MEGF11: variants seen among roughly 807,000 people sequenced by gnomAD.
MEGF11 encodes multiple EGF like domains 11.
In MEGF11, 126 loss-of-function variants were observed where a neutral mutation model predicts 146.6. The observed-to-expected ratio is 0.86, with a 90% CI of 0.74 to 1.00. The LOEUF (loss-of-function observed/expected upper bound fraction) is 1.00, where lower values mean the gene tolerates loss of function less well. Among genes scored for constraint, MEGF11 ranks in the 50% least tolerant of loss-of-function variants. The pLI is 0.00. For synonymous variants in MEGF11, 532 were observed against 583.4 expected, an observed-to-expected ratio of 0.91 and a Z score of 1.27; for missense variants, 1,509 against 1,521.2, an observed-to-expected ratio of 0.99 and a Z score of 0.13.
At chr15:66,058,298 A>G (rs1056910271) in intron 5 of MEGF11, among the ~76,000 whole-genome samples, 2 of 152,200 alleles carry the variant, frequency 1.3e-5, no homozygotes, top group African/African-American at 4.8e-5. Context: ...AACTTTACCT[A>G]AGAGCCTTAA....
chr15:66,004,780 C>T (rs1211839100), intron 5 of MEGF11, among the ~76,000 whole-genome samples: 2 of 152,156 alleles, frequency 1.3e-5, no homozygotes, highest in African/African-American at 2.4e-5. Flanking sequence ...CTGAGAGGAC[C>T]TTTCCAATTC....
intron 1 of MEGF11, among the ~76,000 whole-genome samples, chr15:66,218,277 C>A (rs554271245): frequency 2.0e-5 from 3 of 152,178 alleles, no homozygotes; most frequent in Non-Finnish European, 2.9e-5. Context: ...TTTTAAGACA[C>A]TTGGTTGAAT....
At chr15:66,064,690 ATTTTTTTTCT>A (rs1307111297) in intron 5 of MEGF11, among the ~76,000 whole-genome samples, 1 of 68,882 alleles carries the variant, frequency 1.5e-5, no homozygotes, top group Non-Finnish European at 4.1e-5. Context: ...CTAATTTTGT[ATTTTTTTTCT>A]TTTTTTTTAG....
intron 9 of MEGF11, among the ~76,000 whole-genome samples, chr15:65,961,842 A>G (rs2080867907): frequency 6.6e-6 from 1 of 151,958 alleles, no homozygotes; most frequent in Non-Finnish European, 1.5e-5. Context: ...GAAGGCAGGG[A>G]GCTTTGAGGC....
chr15:65,934,875 TTGCACTC>T (rs1453323414), intron 10 of MEGF11, among the ~76,000 whole-genome samples: 1 of 152,196 alleles, frequency 6.6e-6, no homozygotes, highest in Non-Finnish European at 1.5e-5. Context: ...CCCACATGTC[TTGCACTC>T]TGCATCTTTT....
rs1362061318 is a variant in MEGF11, at chr15:65,989,358, C to T, written c.395-6870G>A. Reference sequence around the variant, plus strand: ...CCCCAGCTTGTACTAAGGACTGGGCCAAGGCCCCCACCTCCCTTCTCCTCT... The same window carrying T: ...CCCCAGCTTGTACTAAGGACTGGGCTAAGGCCCCCACCTCCCTTCTCCTCT... On this transcript the variant is annotated intron_variant, in intron 5 of 25. Coordinates refer to ENST00000395614, the MANE Select transcript of MEGF11 (RefSeq NM_001385028.1). Among the ~76,000 whole-genome samples, 3 of 152,190 alleles carry T rather than the reference C, an allele frequency of 2.0e-5. No homozygotes were observed. In the South Asian group the frequency reaches 6.2e-4, roughly 32 times the overall value.
intron 8 of MEGF11, among the ~76,000 whole-genome samples, chr15:65,965,623 T>TGGC (rs1412212636): frequency 7.2e-6 from 1 of 139,610 alleles, no homozygotes; most frequent in Non-Finnish European, 1.6e-5. Context: ...CTTTTTTTTT[T>TGGC]TTTTGGCTCT....
chr15:66,104,475 A>C (rs1043988457), intron 4 of MEGF11, among the ~76,000 whole-genome samples: 1 of 152,264 alleles, frequency 6.6e-6, no homozygotes, highest in African/African-American at 2.4e-5. Flanking sequence ...AGGATGTTTC[A>C]TGATTCTTTT....
At chr15:66,195,422 G>A (rs2090984190) in intron 1 of MEGF11, among the ~76,000 whole-genome samples, 1 of 152,204 alleles carries the variant, frequency 6.6e-6, no homozygotes, top group South Asian at 2.1e-4. Flanking sequence ...CCCTAAGGAA[G>A]TCACATCGGG....
At chr15:65,927,084 C>T (rs2079397213) in intron 13 of MEGF11, among the ~76,000 whole-genome samples, 2 of 152,316 alleles carry the variant, frequency 1.3e-5, no homozygotes, top group African/African-American at 4.8e-5. Context: ...ATTTCTTTCT[C>T]TTTGCTGCTC....
intron 5 of MEGF11, among the ~76,000 whole-genome samples, chr15:66,051,288 G>C (rs2084435655): frequency 6.6e-6 from 1 of 152,152 alleles, no homozygotes; most frequent in African/African-American, 2.4e-5. Flanking sequence ...CGGGAAGAAG[G>C]GTGGACCCTG....
intron 1 of MEGF11, among the ~76,000 whole-genome samples, chr15:66,186,318 G>A (rs1567276377): frequency 6.6e-6 from 1 of 152,152 alleles, no homozygotes; most frequent in Non-Finnish European, 1.5e-5. Context: ...TGGGCAGCCA[G>A]CAGTGGTCTG....
chr15:66,092,718 G>C (rs113533690), intron 5 of MEGF11, among the ~76,000 whole-genome samples: 2,028 of 152,250 alleles, frequency 0.013, 43 homozygotes, highest in African/African-American at 0.046. Context: ...ACAGTCCCGA[G>C]CATAGAGCGA....
At chr15:66,144,631 C>G (rs2089296648) in intron 1 of MEGF11, among the ~76,000 whole-genome samples, 1 of 152,212 alleles carries the variant, frequency 6.6e-6, no homozygotes, top group Non-Finnish European at 1.5e-5. Context: ...CTCCCCTTAG[C>G]AGCTATACAG....
chr15:66,174,615 T>C (rs747540224), intron 1 of MEGF11, among the ~76,000 whole-genome samples: 3 of 151,624 alleles, frequency 2.0e-5, no homozygotes, highest in Non-Finnish European at 4.4e-5. Context: ...TACTGCATTC[T>C]AGATGATCCC....
At position 65,922,154 on chromosome 15, in the gene MEGF11, T is replaced by C. The variant is rs964297885; in HGVS notation, c.1957+184A>G. On this transcript the variant is annotated intron_variant, in intron 15 of 25. Transcript: ENST00000395614. ...ATTTCACTTCTGTGAGGCTGTTAAC[T>C]GTGTTAGGGCCTTTGTCTCATGCCA... The C allele has an allele frequency of 4.9e-5, 27 of 546,290 alleles. No individual in the cohort carries two copies. In the Admixed American group the frequency reaches 5.9e-4, roughly 12 times the overall value. 33.8% of individuals were successfully genotyped at this position (546,290 alleles called of 1,614,324 possible). A position where few individuals can be genotyped will look rare whatever the true frequency, so the allele number is the denominator to read the frequency against.
chr15:66,003,607 G>A (rs2082430046), intron 5 of MEGF11, among the ~76,000 whole-genome samples: 2 of 152,020 alleles, frequency 1.3e-5, no homozygotes, highest in African/African-American at 2.4e-5. Flanking sequence ...ACCCCACTTC[G>A]AGTCCCCTCC....
chr15:66,106,575 C>G (rs984829348), intron 4 of MEGF11, among the ~76,000 whole-genome samples: 4 of 152,178 alleles, frequency 2.6e-5, no homozygotes, highest in Admixed American at 2.6e-4. Context: ...AACTGAGGCA[C>G]AGAGAAGCTA....
chr15:66,139,705 A>T (rs2140999843), intron 1 of MEGF11, among the ~76,000 whole-genome samples: 1 of 152,246 alleles, frequency 6.6e-6, no homozygotes, highest in Middle Eastern at 3.4e-3. Context: ...CCATTAAGAG[A>T]ATTATCAATC....
Sources: gnomAD v4.1 joint callset for allele counts (sites outside exome capture counted in the v4.1 genomes callset) on GRCh38, gnomAD v4.1.1 for gene constraint, MANE v1.5 for transcripts, NCBI Gene and HGNC (gene_info 2026-07-23, HGNC 2026-07-21) for gene names.